The following CDHR5 variants were observed in gnomAD, a reference collection of about 807,000 sequenced individuals.
CDHR5 encodes cadherin related family member 5.
CDHR5 carries 82 observed loss-of-function variants against 69.5 expected under a neutral mutation model. The ratio of observed to expected loss-of-function variants is 1.18; its 90% confidence interval spans 0.99 to 1.42. CDHR5 has a LOEUF of 1.42. CDHR5 is among the 40% of genes most tolerant of loss of function. The pLI, the probability that CDHR5 is intolerant of heterozygous loss-of-function variation, is 0.00. For synonymous variants in CDHR5, 601 were observed against 510.2 expected, an observed-to-expected ratio of 1.18 and a Z score of -2.40; for missense variants, 1,293 against 1,168.9, an observed-to-expected ratio of 1.11 and a Z score of -1.55.
chr11:624,512 C>A lies in CDHR5; in HGVS notation c.261+45G>T, dbSNP rs757566255. The A allele has an allele frequency of 2.5e-6, 4 of 1,591,954 alleles. No homozygotes were observed. The highest frequency in any genetic ancestry group is 1.3e-5 in the African/African-American group (1 of 74,480). ...GAGGTGTGGCCTGAGGATGCAGGTG[C>A]CCTTCTCCCGGGACCCCCATATCCC... is the stretch of plus-strand genomic sequence containing the variant. On this transcript the variant is annotated intron_variant, in intron 2 of 14. Transcript: ENST00000397542. This position sits in a 1 kb window ranked among gnomAD's most constrained non-coding sequence, Gnocchi z 5.3.
chr11:617,597 C>A lies in CDHR5; in HGVS notation c.2292G>T (p.Ala764=). ...SPGGAPEPPA[A]ARAGGSPTAV... is the part of the protein sequence containing the mutation. ...CCGTGGGGCTTCCGCCAGCTCGGGCCGCTGCGGGGGGCTCAGGGGCACCGC... is the reference window on the plus strand; with the variant it reads ...CCGTGGGGCTTCCGCCAGCTCGGGCAGCTGCGGGGGGCTCAGGGGCACCGC... Residue 764 remains alanine (A), a synonymous_variant, in exon 15 of 15, where the codon GCG becomes GCT. Transcript: ENST00000397542. 1 of 1,607,490 alleles carries A rather than the reference C, an allele frequency of 6.2e-7. No homozygotes were observed.
Position 617,422 on chromosome 11 carries a change from C to T in CDHR5, c.2467G>A (p.Asp823Asn), listed in dbSNP as rs1053920660. ...VDGASDSGSG[D>N]EGEGAGRGGG... Reference sequence around the variant, plus strand: ...CCCCTCCCCGCGCCCTCGCCCTCATCGCCGCTGCCGGAGTCACTGGCGCCA... The same window carrying T: ...CCCCTCCCCGCGCCCTCGCCCTCATTGCCGCTGCCGGAGTCACTGGCGCCA... Residue 823 changes from aspartate (D) to asparagine (N), a missense_variant, in exon 15 of 15, where the codon GAT (aspartate) becomes AAT (asparagine). Physicochemically the swap from Asp to Asn is conservative, Grantham distance 23. Transcript: ENST00000397542. The T allele has an allele frequency of 9.3e-6, 15 of 1,611,914 alleles. No homozygotes were observed. The highest frequency in any genetic ancestry group is 6.6e-5 in the South Asian group (6 of 91,048).
rs578005828 is a variant in CDHR5, at chr11:620,315, G to A, written c.861C>T (p.Ile287=). The A allele has an allele frequency of 1.5e-5, 24 of 1,612,604 alleles. No individual in the cohort carries two copies. The Admixed American group carries it at 2.8e-4, about 19-fold the overall frequency. ...EDGDRGINQP[I]IYSIFRGNVN... is the part of the protein sequence containing the mutation. ...ACTCACCCCTAAAGATGCTGTAGAT[G>A]ATGGGCTGGTTGATGCCGCGGTCTC... The change falls in exon 8 of 15, where the codon ATC becomes ATT. Residue 287 remains isoleucine (I), a synonymous_variant. Transcript: ENST00000397542.
In CDHR5 at chr11:624,472, C is replaced by T. The variant is rs935841410; in HGVS notation, c.261+85G>A. 16 of 1,386,160 alleles carry T rather than the reference C, an allele frequency of 1.2e-5. No individual in the cohort carries two copies. In the East Asian group the frequency reaches 2.1e-4, roughly 18 times the overall value. The allele number at this position is 1,386,160 out of a possible 1,614,324, so 85.9% of individuals were successfully genotyped here. ...AGTGGATGCCCGCAGGCATAGAACT[C>T]CTAGGCCCCCAAGGGAGGTGTGGCC... On this transcript the variant is annotated intron_variant, in intron 2 of 14. Coordinates refer to ENST00000397542, the MANE Select transcript of CDHR5 (RefSeq NM_021924.5). The surrounding 1 kb of genome is among the most constrained non-coding windows in gnomAD (Gnocchi z 5.3).
rs552081799 is a variant in CDHR5, at chr11:618,664, G to A, written c.1895C>T (p.Thr632Ile). 23 of 1,592,454 alleles carry A rather than the reference G, an allele frequency of 1.4e-5. No individual in the cohort carries two copies. In the South Asian group the frequency reaches 1.9e-4, roughly 13 times the overall value. ...GGTTCCTGGCTCTGGGGTCTGTGCT[G>A]TGCCCCCACCGGGTGTGGTTGGTTG... ...SHQPTTPGGG[T>I]AQTPEPGTSQ... Residue 632 changes from threonine to isoleucine, a missense_variant, in exon 13 of 15, where the codon ACA becomes ATA. Thr to Ile is a moderately conservative substitution (Grantham distance 89). Coordinates refer to ENST00000397542, the MANE Select transcript of CDHR5 (RefSeq NM_021924.5).
Position 616,951 on chromosome 11 carries a change from C to T in CDHR5, c.*400G>A, listed in dbSNP as rs1486666458. On this transcript the variant is annotated 3_prime_UTR_variant, in exon 15 of 15. Coordinates refer to ENST00000397542, the MANE Select transcript of CDHR5 (RefSeq NM_021924.5). ...TCCCCAGGCAATCTCTGTGTAGGGT[C>T]GGGAGCGGGAGGTCTGAGATGAGCC... The T allele has an allele frequency of 8.8e-5, 19 of 216,532 alleles. No homozygotes were observed. The highest frequency in any genetic ancestry group is 4.5e-4 in the Middle Eastern group (1 of 2,232). 13.4% of individuals were successfully genotyped at this position (216,532 alleles called of 1,614,324 possible).
chr11:617,834 C>T (rs1210382116), intron 14 of CDHR5, 64 bp from the exon 15 acceptor site: 6 of 1,475,076 alleles, frequency 4.1e-6, no homozygotes, highest in East Asian at 2.4e-5. Context: ...CCCTGCACAC[C>T]CTCATTCCAC....
In CDHR5 at chr11:622,820, C is replaced by T. The variant is rs186031540; in HGVS notation, c.313-916G>A. On this transcript the variant is annotated intron_variant, in intron 3 of 14. Transcript: ENST00000397542. The stretch of plus-strand genomic sequence containing the variant: ...CATAACCACAATGTCGTTGTCACAC[C>T]TGGGAAAAGCGGTCACTTTCTACCT... Among the ~76,000 whole-genome samples the T allele has an allele frequency of 2.3e-3, 352 of 152,228 alleles. 1 individual carries two copies. The highest frequency in any genetic ancestry group is 1.5e-3 in the Non-Finnish European group (105 of 68,020).
chr11:621,373 G>T lies in CDHR5; in HGVS notation c.590C>A (p.Pro197Gln), dbSNP rs559963181. 1 of 1,613,046 alleles carries T rather than the reference G, an allele frequency of 6.2e-7. No homozygotes were observed. The highest frequency in any genetic ancestry group is 8.5e-7 in the Non-Finnish European group (1 of 1,179,976). ...LDRPLDFYER[P>Q]NMTFWLLVRD... is the part of the protein sequence containing the mutation. The stretch of plus-strand genomic sequence containing the variant: ...CACCAGCAGCCAGAAGGTCATGTTC[G>T]GCCGCTCGTAGAAGTCCAGGGGCCG... The change falls in exon 6 of 15, where the codon CCG (proline) becomes CAG (glutamine). Residue 197 changes from proline to glutamine, a missense_variant. Physicochemically the swap from Pro to Gln is moderately conservative, Grantham distance 76 (BLOSUM62 -1). Coordinates refer to ENST00000397542, the MANE Select transcript of CDHR5 (RefSeq NM_021924.5). The surrounding 1 kb of genome is among the most constrained non-coding windows in gnomAD (Gnocchi z 4.4).
At position 616,831 on chromosome 11, in the gene CDHR5, G is replaced by C. The variant is rs748410826; in HGVS notation, c.*520C>G. The stretch of plus-strand genomic sequence containing the variant: ...TACTGCTGCGCTCCAACCCAAGCAT[G>C]TAGATTTCAGAAGGGGACTAGGACC... On this transcript the variant is annotated 3_prime_UTR_variant, in exon 15 of 15. Transcript: ENST00000397542. The C allele has an allele frequency of 5.9e-6, 1 of 168,718 alleles. No homozygotes were observed. The highest frequency in any genetic ancestry group is 1.3e-5 in the Non-Finnish European group (1 of 76,430). The allele number at this position is 168,718 out of a possible 1,614,324, so 10.5% of individuals were successfully genotyped here.
At chr11:622,354 A>G (rs1359590257) in intron 3 of CDHR5, among the ~76,000 whole-genome samples, 3 of 152,098 alleles carry the variant, frequency 2.0e-5, no homozygotes. Context: ...ACAGAAAAAT[A>G]ATGCAGGTAC....
rs372754513 is a variant in CDHR5 at position 624,653 on chromosome 11, C to T, written c.165G>A (p.Pro55=). 55 of 1,613,582 alleles carry T rather than the reference C, an allele frequency of 3.4e-5. No individual in the cohort carries two copies. The highest frequency in any genetic ancestry group is 3.3e-4 in the Middle Eastern group (2 of 6,060). ...CTCCGAGGGTCACCTCCTGGCCCTC[C>T]GGGACGTGGATGTCCACCAGCGGCT... ...VTEPLVDIHV[P]EGQEVTLGAL... is the part of the protein sequence containing the mutation. The change falls in exon 2 of 15, where the codon CCG becomes CCA. Residue 55 remains proline, a synonymous_variant. Coordinates refer to ENST00000397542, the MANE Select transcript of CDHR5 (RefSeq NM_021924.5). This position sits in a 1 kb window ranked among gnomAD's most constrained non-coding sequence, Gnocchi z 5.3.
In CDHR5 at chr11:621,801, G is replaced by A. The variant is rs375990653; in HGVS notation, c.405+11C>T. The A allele has an allele frequency of 7.2e-5, 116 of 1,609,754 alleles. No individual in the cohort carries two copies. Among genetic ancestry groups the A allele is most frequent in the East Asian group, 1.1e-4 (5 of 44,862 alleles). ...CCCCGTGCCCAGTCCCCGCGGCTTC[G>A]CTGGCCTCACCTCCTCCACCCTTAT... On this transcript the variant is annotated intron_variant, in intron 4 of 14. Transcript: ENST00000397542. The surrounding 1 kb of genome is among the most constrained non-coding windows in gnomAD (Gnocchi z 4.4).
In CDHR5 at chr11:624,169, C is replaced by T. The variant is rs1182334408; in HGVS notation, c.312+44G>A. ...CCTGGACCGGCAGGGCAGAGCCCAG[C>T]AGAGGTGGCCGGGTGGGGCGGGGAG... On this transcript the variant is annotated intron_variant, in intron 3 of 14. Transcript: ENST00000397542. This position sits in a 1 kb window ranked among gnomAD's most constrained non-coding sequence, Gnocchi z 5.3. 2.7e-6 allele frequency: 2 copies of T among 734,534 alleles called. No homozygotes were observed. The highest frequency in any genetic ancestry group is 2.5e-5 in the East Asian group (1 of 39,234). The allele number at this position is 734,534 out of a possible 1,614,324, so 45.5% of individuals were successfully genotyped here.
chr11:617,370 C>T lies in CDHR5; in HGVS notation c.2519G>A (p.Gly840Asp). The T allele has an allele frequency of 6.2e-7, 1 of 1,608,140 alleles. No homozygotes were observed. The highest frequency in any genetic ancestry group is 1.1e-5 in the South Asian group (1 of 90,702). Residue 840 changes from glycine to aspartate, a missense_variant, in exon 15 of 15, where the codon GGT (glycine) becomes GAT (aspartate). Physicochemically the swap from Gly to Asp is moderately conservative, Grantham distance 94. Transcript: ENST00000397542. ...GGCCACTTAGATGTAGGAGTCATCA[C>T]CACCGGGCGCATCGTAGGGACCCCC... ...RGGGPYDAPG[G>D]DDSYI
Position 617,955 on chromosome 11 carries a change from G to T in CDHR5, c.2117C>A (p.Pro706Gln). The change falls in exon 14 of 15, where the codon CCG becomes CAG. Residue 706 changes from proline (P) to glutamine (Q), a missense_variant and splice_region_variant. Pro to Gln is a moderately conservative substitution (Grantham distance 76). Coordinates refer to ENST00000397542, the MANE Select transcript of CDHR5 (RefSeq NM_021924.5). ...PRLKCCCGKAPEPQPQGFDNQ... is the reference protein window; with the variant it reads ...PRLKCCCGKAQEPQPQGFDNQ... Reference sequence around the variant, plus strand: ...CCTGTTCTCCATCCTGGGCCTCACCGGAGCTTTGCCACAGCAGCACTTGAG... The same window carrying T: ...CCTGTTCTCCATCCTGGGCCTCACCTGAGCTTTGCCACAGCAGCACTTGAG... 1.9e-6 allele frequency: 3 copies of T among 1,610,354 alleles called. No homozygotes were observed. In the South Asian group the frequency reaches 3.3e-5, roughly 18 times the overall value.
At chr11:619,439 C>T (rs1857217796) in intron 11 of CDHR5, 35 bp downstream of exon 11, 2 of 1,606,680 alleles carry the variant, frequency 1.2e-6, no homozygotes, top group South Asian at 2.2e-5. Context: ...TTAAGCCCCA[C>T]ACCCTTGGAG....
rs909132006 is a variant in CDHR5, at chr11:620,932, G to A, written c.789+148C>T. On this transcript the variant is annotated intron_variant, in intron 7 of 14. Coordinates refer to ENST00000397542, the MANE Select transcript of CDHR5 (RefSeq NM_021924.5). ...AAGATGGGAAGGGTTGGTTTACAAG[G>A]AGAGTCTGCATTTGTTTCAAAATCA... 24 of 588,922 alleles carry A rather than the reference G, an allele frequency of 4.1e-5. No individual in the cohort carries two copies. The South Asian group carries it at 5.3e-4, about 13-fold the overall frequency. The allele number at this position is 588,922 out of a possible 1,614,324, so 36.5% of individuals were successfully genotyped here.
At chr11:619,239 G>A (rs1226890559) in intron 12 of CDHR5, 59 bp from the exon 13 acceptor site, 36 of 1,473,722 alleles carry the variant, frequency 2.4e-5, no homozygotes, top group Non-Finnish European at 2.4e-5. Context: ...CACCTACCGC[G>A]GGAAAGGAGC....
Sources: allele counts gnomAD v4.1 joint callset (sites outside exome capture counted in the v4.1 genomes callset), GRCh38; gene constraint gnomAD v4.1.1; non-coding constraint Gnocchi (gnomAD v3.1); transcripts MANE v1.5; gene names NCBI Gene and HGNC (gene_info 2026-07-23, HGNC 2026-07-21).